The following ANK3 variants were observed in gnomAD, a reference collection of about 807,000 sequenced individuals.
The protein encoded by ANK3 is ankyrin 3.
In ANK3, 57 loss-of-function variants were observed where a neutral mutation model predicts 370.9. That is an observed-to-expected ratio of 0.15 (90% CI 0.12 to 0.19). The LOEUF (loss-of-function observed/expected upper bound fraction) is 0.19, where lower values mean the gene tolerates loss of function less well. Among genes scored for constraint, ANK3 ranks in the 10% least tolerant of loss-of-function variants. The probability of loss-of-function intolerance (pLI) is 1.00; values close to 1 mark genes in which losing one functional copy is unlikely to be tolerated. For synonymous variants in ANK3, 1,929 were observed against 1,946.3 expected (o/e 0.99, Z 0.23); for missense variants, 4,439 against 5,302.1 (o/e 0.84, Z 5.06).
intron 8 of ANK3, among the ~76,000 whole-genome samples, chr10:60,232,528 G>A (rs1482019636): frequency 6.6e-6 from 1 of 152,044 alleles, no homozygotes; most frequent in Non-Finnish European, 1.5e-5. Context: ...GCTTCTTACT[G>A]GAATGATGCA....
intron 1 of ANK3, among the ~76,000 whole-genome samples, chr10:60,710,650 C>T (rs961328932): frequency 1.3e-5 from 2 of 152,134 alleles, no homozygotes; most frequent in Admixed American, 6.5e-5. Context: ...AGGACCCACA[C>T]AATTCAAGCC....
intron 2 of ANK3, among the ~76,000 whole-genome samples, chr10:60,516,352 G>A (rs1456919440): frequency 6.6e-6 from 1 of 152,112 alleles, no homozygotes; most frequent in East Asian, 1.9e-4. Flanking sequence ...CTGGGAGCCA[G>A]GATCTGTTCT....
rs527583319 is a variant in ANK3 at position 60,643,022 on chromosome 10, A to AT, written c.58-27799dup. Among the ~76,000 whole-genome samples, 17 of 152,242 alleles carry AT rather than the reference A, an allele frequency of 1.1e-4. No homozygotes were observed. In the South Asian group the frequency reaches 2.7e-3, roughly 24 times the overall value. Reference sequence around the variant, plus strand: ...CTCTTATATTTTCCTGTATTTTGAGATTTTTTTCAATAAGCACATACTCAA... The same window carrying AT: ...CTCTTATATTTTCCTGTATTTTGAGATTTTTTTTCAATAAGCACATACTCAA... On this transcript the variant is annotated intron_variant, in intron 1 of 43. Coordinates refer to the ANK3 transcript ENST00000373827.
At chr10:60,408,135 T>A (rs1423473144) in intron 2 of ANK3, among the ~76,000 whole-genome samples, 1 of 152,250 alleles carries the variant, frequency 6.6e-6, no homozygotes, top group Non-Finnish European at 1.5e-5. Flanking sequence ...TTCCCTTTCC[T>A]AAGAAACACT....
At chr10:60,570,849 G>A (rs996476842) in intron 2 of ANK3, among the ~76,000 whole-genome samples, 2 of 151,726 alleles carry the variant, frequency 1.3e-5, no homozygotes, top group South Asian at 4.2e-4. Context: ...GGTAGAGAGA[G>A]GGGAAAAAAA....
At chr10:60,694,388 T>C in intron 1 of ANK3, among the ~76,000 whole-genome samples, 1 of 151,964 alleles carries the variant, frequency 6.6e-6, no homozygotes, top group Non-Finnish European at 1.5e-5. Flanking sequence ...ATGCAGGAAA[T>C]ACAGATAACA....
chr10:60,275,229 G>A (rs1209385508), intron 4 of ANK3, among the ~76,000 whole-genome samples: 3 of 152,204 alleles, frequency 2.0e-5, no homozygotes, highest in East Asian at 1.9e-4. Flanking sequence ...AAGATGGAAC[G>A]AGTATGCTGT....
chr10:60,545,813 T>A (rs940395731), intron 2 of ANK3, among the ~76,000 whole-genome samples: 2 of 152,182 alleles, frequency 1.3e-5, no homozygotes, highest in Non-Finnish European at 2.9e-5. Context: ...TCAGTTTATA[T>A]CACTAAAATT....
chr10:60,230,407 T>C (rs1489038070), intron 8 of ANK3, among the ~76,000 whole-genome samples: 1 of 152,202 alleles, frequency 6.6e-6, no homozygotes, highest in Non-Finnish European at 1.5e-5. Flanking sequence ...GAAAGCTGCA[T>C]ATAGACCAGA....
intron 11 of ANK3, among the ~76,000 whole-genome samples, chr10:60,204,279 C>T (rs1334657502): frequency 6.6e-6 from 1 of 152,082 alleles, no homozygotes; most frequent in Non-Finnish European, 1.5e-5. Flanking sequence ...TCTGAACTGC[C>T]TTTTAAAGCT....
chr10:60,716,319 T>C (rs182192328), intron 1 of ANK3, among the ~76,000 whole-genome samples: 2 of 152,254 alleles, frequency 1.3e-5, no homozygotes, highest in East Asian at 3.9e-4. Flanking sequence ...GTATTGCTTC[T>C]CATAAATAAA....
Position 60,069,599 on chromosome 10 carries a change from G to C in ANK3, c.11282C>G (p.Thr3761Arg), listed in dbSNP as rs775835976. 3 of 1,614,018 alleles carry C rather than the reference G, an allele frequency of 1.9e-6. No homozygotes were observed. Among genetic ancestry groups the C allele is most frequent in the African/African-American group, 1.3e-5 (1 of 75,012 alleles). The change falls in exon 37 of 44, where the codon ACA becomes AGA. Residue 3761 changes from threonine to arginine, a missense_variant. Physicochemically the swap from Thr to Arg is moderately conservative, Grantham distance 71. Around this residue, in one of 13 missense-constraint regions of ANK3, gnomAD observed 496 missense variants for 529.3 expected, o/e 0.94. Coordinates refer to ENST00000280772, the MANE Select transcript of ANK3 (RefSeq NM_020987.5). ...SCQGLENETI[T>R]MISNTANSQM... is the part of the protein sequence containing the mutation. ...GCTATTGGCTGTATTTGAAATCATT[G>C]TTATAGTTTCATTTTCTAATCCCTG...
intron 2 of ANK3, among the ~76,000 whole-genome samples, chr10:60,574,029 G>C (rs772562960): frequency 5.5e-4 from 83 of 152,228 alleles, no homozygotes; most frequent in Middle Eastern, 3.4e-3. Flanking sequence ...AGTCACAGAG[G>C]GCTAATTTTT....
chr10:60,082,379 A>T (rs2085485895), intron 34 of ANK3: 1 of 678,786 alleles, frequency 1.5e-6, no homozygotes, highest in Non-Finnish European at 2.4e-6. Flanking sequence ...ATTTAAAAGC[A>T]TAAAAATCTA....
At chr10:60,697,260 A>G (rs1564575549) in intron 1 of ANK3, among the ~76,000 whole-genome samples, 1 of 151,072 alleles carries the variant, frequency 6.6e-6, no homozygotes, top group Non-Finnish European at 1.5e-5. Context: ...AAGAGGATAC[A>G]AACAAATGGA....
At chr10:60,522,643 C>T (rs973534989) in intron 2 of ANK3, among the ~76,000 whole-genome samples, 11 of 152,046 alleles carry the variant, frequency 7.2e-5, no homozygotes, top group African/African-American at 2.7e-4. Context: ...TAGGAGGTTT[C>T]TAATCCTATC....
chr10:60,064,668 C>CACAACAACAACAGCA (rs56381045), intron 38 of ANK3, among the ~76,000 whole-genome samples: 6 of 110,432 alleles, frequency 5.4e-5, no homozygotes, highest in African/African-American at 2.5e-4. Flanking sequence ...TCTCCATACA[C>CACAACAACAACAGCA]ACAGCAACAA....
intron 2 of ANK3, among the ~76,000 whole-genome samples, chr10:60,442,643 A>G (rs1250181451): frequency 6.6e-6 from 1 of 152,188 alleles, no homozygotes; most frequent in Admixed American, 6.5e-5. Context: ...TTAACTCAGT[A>G]TTGTATTAGG....
At chr10:60,441,511 C>T (rs2064298965) in intron 2 of ANK3, among the ~76,000 whole-genome samples, 1 of 152,054 alleles carries the variant, frequency 6.6e-6, no homozygotes, top group Admixed American at 6.5e-5. Flanking sequence ...TTGAATTTTT[C>T]TCTTAGAAAT....
Sources: gnomAD v4.1 joint callset for allele counts (sites outside exome capture counted in the v4.1 genomes callset) on GRCh38, gnomAD v4.1.1 for gene constraint, gnomAD v4.1.1 regional missense constraint, MANE v1.5 for transcripts, NCBI Gene and HGNC (gene_info 2026-07-23, HGNC 2026-07-21) for gene names.